SPMIP3: variants seen among roughly 807,000 people sequenced by gnomAD.
SPMIP3 encodes the protein sperm microtubule inner protein 3, also known as protein SPMIP3.
the SPMIP3 span, among the ~76,000 whole-genome samples, chr1:244,374,587 C>CTT: frequency 3.2e-3 from 238 of 74,638 alleles, 17 homozygotes; most frequent in African/African-American, 0.01. Context: ...CCACATTTCT[C>CTT]TTTTTTTTTT....
chr1:244,378,382 T>C, the SPMIP3 span: 6 of 1,387,286 alleles, frequency 4.3e-6, no homozygotes, highest in Non-Finnish European at 5.9e-6. Context: ...TCACGGCCGT[T>C]TCCAGGGAAT....
the SPMIP3 span, among the ~76,000 whole-genome samples, chr1:244,366,649 G>A: frequency 6.6e-6 from 1 of 152,236 alleles, no homozygotes; most frequent in East Asian, 1.9e-4. Flanking sequence ...GGAGGCCAAG[G>A]CGGGTGGATC....
the SPMIP3 span, among the ~76,000 whole-genome samples, chr1:244,358,449 G>C: frequency 6.6e-6 from 1 of 151,802 alleles, no homozygotes; most frequent in African/African-American, 2.4e-5. Context: ...GCTAGGCGTG[G>C]TGGCGCATGT....
the SPMIP3 span, among the ~76,000 whole-genome samples, chr1:244,374,659 C>A: frequency 1.2e-3 from 152 of 126,492 alleles, 3 homozygotes; most frequent in Non-Finnish European, 2.3e-4. Flanking sequence ...TGCAGTGGCA[C>A]AATCTCAGCT....
the SPMIP3 span, among the ~76,000 whole-genome samples, chr1:244,353,526 A>C: frequency 6.6e-6 from 1 of 152,212 alleles, no homozygotes; most frequent in South Asian, 2.1e-4. Context: ...TTCAGAAACC[A>C]ATAAACCAAA....
the SPMIP3 span, among the ~76,000 whole-genome samples, chr1:244,383,727 T>C: frequency 0.12 from 18,029 of 151,960 alleles, 1,174 homozygotes; most frequent in Middle Eastern, 0.17. Flanking sequence ...GGAAGGAGCA[T>C]GACATGTTTG....
chr1:244,368,106 C>T, the SPMIP3 span, among the ~76,000 whole-genome samples: 20 of 151,896 alleles, frequency 1.3e-4, no homozygotes, highest in African/African-American at 4.8e-4. Flanking sequence ...ACTACAGGCG[C>T]CCACCACCAC....
chr1:244,373,471 G>A, the SPMIP3 span, among the ~76,000 whole-genome samples: 1 of 150,554 alleles, frequency 6.6e-6, no homozygotes, highest in Non-Finnish European at 1.5e-5. Flanking sequence ...CTGCACTATA[G>A]CCTGGGCAAC....
At chr1:244,372,642 A>G in the SPMIP3 span, among the ~76,000 whole-genome samples, 2 of 151,934 alleles carry the variant, frequency 1.3e-5, no homozygotes, top group South Asian at 2.1e-4. Context: ...ACTGGGTTTC[A>G]CCGCGTTAGC....
chr1:244,356,976 G>C, the SPMIP3 span, among the ~76,000 whole-genome samples: 1 of 118,966 alleles, frequency 8.4e-6, no homozygotes, highest in Non-Finnish European at 1.6e-5. Context: ...AGGCTGGATT[G>C]CAGTGGCATC....
the SPMIP3 span, among the ~76,000 whole-genome samples, chr1:244,369,597 G>A: frequency 1.5e-4 from 23 of 152,276 alleles, no homozygotes; most frequent in African/African-American, 5.3e-4. Context: ...GAGTCGCAGT[G>A]GGTCTTCTGG....
the SPMIP3 span, among the ~76,000 whole-genome samples, chr1:244,360,294 T>C: frequency 1.3e-5 from 2 of 152,168 alleles, no homozygotes; most frequent in South Asian, 2.1e-4. Context: ...ACAGCCACTA[T>C]GGAGAACAGT....
At chr1:244,367,202 G>A in the SPMIP3 span, among the ~76,000 whole-genome samples, 1 of 152,170 alleles carries the variant, frequency 6.6e-6, no homozygotes, top group Non-Finnish European at 1.5e-5. Flanking sequence ...AGAGGCAGGA[G>A]AAGTTCCCGG....
the SPMIP3 span, among the ~76,000 whole-genome samples, chr1:244,386,019 C>T: frequency 5.3e-5 from 8 of 151,562 alleles, no homozygotes; most frequent in Admixed American, 5.3e-4. Context: ...CACACACACA[C>T]ACACACACAC....
the SPMIP3 span, chr1:244,364,555 T>G: frequency 1.4e-6 from 1 of 736,974 alleles, no homozygotes; most frequent in Admixed American, 2.2e-5. Flanking sequence ...ATAGCCTATA[T>G]GCATAGTCCT....
the SPMIP3 span, among the ~76,000 whole-genome samples, chr1:244,360,602 G>A: frequency 2.7e-5 from 4 of 149,646 alleles, no homozygotes; most frequent in African/African-American, 4.9e-5. Context: ...GCATGAAATC[G>A]GTCGGGCAGA....
the SPMIP3 span, chr1:244,364,626 C>T: frequency 2.2e-6 from 3 of 1,381,764 alleles, no homozygotes. Flanking sequence ...TACTAGATAT[C>T]TCACCCATGG....
chr1:244,359,121 A>G, the SPMIP3 span, among the ~76,000 whole-genome samples: 59 of 147,614 alleles, frequency 4.0e-4, 1 homozygote, highest in South Asian at 8.9e-4. Context: ...TTATGTGTCC[A>G]AGAGATTATG....
At chr1:244,388,846 C>A in the SPMIP3 span, 1 of 860,846 alleles carries the variant, frequency 1.2e-6, no homozygotes, top group South Asian at 1.7e-5. Flanking sequence ...TGTCTTAAAC[C>A]CCAAAAGTTA....
Sources: allele counts gnomAD v4.1 joint callset (sites outside exome capture counted in the v4.1 genomes callset), GRCh38; gene constraint gnomAD v4.1.1; transcripts MANE v1.5; gene names NCBI Gene and HGNC (gene_info 2026-07-23, HGNC 2026-07-21).